The following SYNE2 variants were observed in gnomAD, a reference collection of about 807,000 sequenced individuals.
SYNE2 encodes nesprin-2.
In SYNE2, 431 loss-of-function variants were observed where a neutral mutation model predicts 856.3. The observed-to-expected ratio is 0.50, with a 90% CI of 0.47 to 0.55. SYNE2 has a LOEUF of 0.55. SYNE2 is among the 20% of genes least tolerant of loss of function. SYNE2 has a pLI of 0.00. For missense variants in SYNE2, 8,129 were observed against 8,023.2 expected (o/e 1.01, Z -0.50); for synonymous variants, 2,923 against 2,872.3 (o/e 1.02, Z -0.56).
Position 63,966,979 on chromosome 14 carries a change from C to T in SYNE2, c.991-730C>T, listed in dbSNP as rs150200829. ...CTCCCTGGTTCAAGCGATTCTCCTG[C>T]CTCAGCCTCCCGAGTAGCTGGGACC... On this transcript the variant is annotated intron_variant, in intron 10 of 115. Coordinates refer to ENST00000555002, the MANE Select transcript of SYNE2 (RefSeq NM_182914.3). 9.1e-3 allele frequency among the ~76,000 whole-genome samples: 1,389 copies of T among 152,212 alleles called. 10 individuals are homozygous for T. The highest frequency in any genetic ancestry group is 0.015 in the Non-Finnish European group (1,022 of 68,010).
chr14:64,128,585 A>G (rs754502374), intron 74 of SYNE2, 32 bp downstream of exon 74: 4 of 1,340,714 alleles, frequency 3.0e-6, no homozygotes, highest in Non-Finnish European at 4.3e-6. Context: ...AGACTGACTT[A>G]ACTTTGAACC....
chr14:63,919,118 A>G (rs2095566407), intron 2 of SYNE2, among the ~76,000 whole-genome samples: 1 of 152,190 alleles, frequency 6.6e-6, no homozygotes. Flanking sequence ...CATGCAGCAA[A>G]TGTTTCCTGT....
At chr14:64,166,806 ACTT>A in intron 90 of SYNE2, 2 of 235,596 alleles carry the variant, frequency 8.5e-6, no homozygotes, top group Admixed American at 1.0e-4. Context: ...GGTGGCAGGC[ACTT>A]GTAATTCCAC....
intron 22 of SYNE2, 46 bp from the exon 23 acceptor site, chr14:63,994,998 A>G (rs2096701722): frequency 8.0e-7 from 1 of 1,255,078 alleles, no homozygotes; most frequent in Non-Finnish European, 1.1e-6. Context: ...ACTTTTTTGT[A>G]TATTTTGTTC....
At position 64,107,579 on chromosome 14, in the gene SYNE2, G is replaced by A; in HGVS notation, c.12581G>A (p.Cys4194Tyr). The stretch of plus-strand genomic sequence containing the variant: ...CTAAACACTGAGCAAGGCCCAGAAT[G>A]TTCCCTAAGGCCCAACCAAACAGAA... ...DSLNTEQGPE[C>Y]SLRPNQTEEG... The change falls in exon 65 of 116, where the codon TGT becomes TAT. Residue 4194 changes from cysteine (C) to tyrosine (Y), a missense_variant. This residue lies in a region of SYNE2 where 5,410 missense variants were observed against 5,284.8 expected (regional missense o/e 1.02). Coordinates refer to ENST00000555002, the MANE Select transcript of SYNE2 (RefSeq NM_182914.3). 6.2e-7 allele frequency: 1 copy of A among 1,614,146 alleles called. No individual in the cohort carries two copies. The highest frequency in any genetic ancestry group is 8.5e-7 in the Non-Finnish European group (1 of 1,180,002).
rs191864332 is a variant in SYNE2, at chr14:63,808,754, G to A, written c.-304-43747G>A. On this transcript the variant is annotated intron_variant, in intron 1 of 23. Coordinates refer to the SYNE2 transcript ENST00000674003. ...AAGTGAAGAGGTGGCTGGGCGTGGTGGCTCACGCCTGTAATGCCAGCATTT... is the reference window on the plus strand; with the variant it reads ...AAGTGAAGAGGTGGCTGGGCGTGGTAGCTCACGCCTGTAATGCCAGCATTT... The A allele has an allele frequency of 1.9e-3, 294 of 152,504 alleles. 2 individuals are homozygous for A. The highest frequency in any genetic ancestry group is 3.4e-3 in the Non-Finnish European group (235 of 68,214). The allele number at this position is 152,504 out of a possible 1,614,324, so 9.4% of individuals were successfully genotyped here.
intron 1 of SYNE2, among the ~76,000 whole-genome samples, chr14:63,832,396 C>T (rs909714154): frequency 6.6e-6 from 1 of 151,928 alleles, no homozygotes. Context: ...CCACCTCGGC[C>T]TCCCAAAGTG....
intron 64 of SYNE2, 50 bp from the exon 65 acceptor site, chr14:64,107,441 G>C: frequency 6.7e-7 from 1 of 1,489,726 alleles, no homozygotes; most frequent in Non-Finnish European, 9.4e-7. Context: ...AAGAATTCAT[G>C]TGGCACCAGG....
At chr14:64,060,161 C>T (rs1344258484) in intron 49 of SYNE2, among the ~76,000 whole-genome samples, 2 of 151,924 alleles carry the variant, frequency 1.3e-5, no homozygotes, top group Admixed American at 1.3e-4. Context: ...TTAGCTGGTA[C>T]CTAAGCTCAA....
chr14:64,056,046 A>G lies in SYNE2; in HGVS notation c.9847A>G (p.Arg3283Gly), dbSNP rs2097266276. The change falls in exon 49 of 116, where the codon AGA (arginine) becomes GGA (glycine). Residue 3283 changes from arginine (R) to glycine (G), a missense_variant. Physicochemically the swap from Arg to Gly is moderately radical, Grantham distance 125. Around this residue, in one of 3 missense-constraint regions of SYNE2, gnomAD observed 5,410 missense variants for 5,284.8 expected, o/e 1.02. Coordinates refer to ENST00000555002, the MANE Select transcript of SYNE2 (RefSeq NM_182914.3). ...TSLEAIIIPY[R>G]VDVGNPEESL... ...CCTCGAAGCCATCATTATACCCTAC[A>G]GAGTAGATGTTGGTAATCCAGAAGA... 1 of 1,614,162 alleles carries G rather than the reference A, an allele frequency of 6.2e-7. No homozygotes were observed. Among genetic ancestry groups the G allele is most frequent in the Non-Finnish European group, 8.5e-7 (1 of 1,179,986 alleles).
chr14:64,203,891 A>AT (rs909888081), intron 100 of SYNE2, among the ~76,000 whole-genome samples: 1 of 152,076 alleles, frequency 6.6e-6, no homozygotes, highest in Non-Finnish European at 1.5e-5. Context: ...TACTGTTGAC[A>AT]TTTTTTTAAG....
At chr14:64,009,202 C>T (rs61984112) in intron 31 of SYNE2, among the ~76,000 whole-genome samples, 2,171 of 152,066 alleles carry the variant, frequency 0.014, 30 homozygotes, top group Non-Finnish European at 0.022. Context: ...ACTACCTTAA[C>T]GTTTTAAAAA....
chr14:64,016,978 A>G (rs892784182), intron 33 of SYNE2, among the ~76,000 whole-genome samples: 1 of 152,130 alleles, frequency 6.6e-6, no homozygotes, highest in African/African-American at 2.4e-5. Context: ...CATCTGCATT[A>G]TATTTTCATC....
At chr14:63,851,975 CGGGGGGGGG>C (rs113075796), upstream of SYNE2, among the ~76,000 whole-genome samples, 5,741 of 23,592 alleles carry the variant, frequency 0.24, 980 homozygotes, top group Middle Eastern at 0.5. Context: ...AGCTACTAAG[CGGGGGGGGG>C]GGGGGGGGGA....
chr14:63,950,047 C>T, intron 7 of SYNE2, 41 bp downstream of exon 7: 12 of 1,604,652 alleles, frequency 7.5e-6, no homozygotes, highest in Non-Finnish European at 1.0e-5. Flanking sequence ...CACAGGGCAG[C>T]TGTATCAACC....
At chr14:64,022,071 A>T in intron 37 of SYNE2, 43 bp downstream of exon 37, 1 of 1,579,662 alleles carries the variant, frequency 6.3e-7, no homozygotes, top group Non-Finnish European at 8.7e-7. Flanking sequence ...GGACTCTTGA[A>T]GTATGAATGT....
At chr14:64,015,037 GTATATA>G (rs1567056349) in intron 32 of SYNE2, among the ~76,000 whole-genome samples, 3 of 109,078 alleles carry the variant, frequency 2.8e-5, no homozygotes, top group African/African-American at 1.1e-4. Context: ...AAATATATAT[GTATATA>G]TGTATATATA....
intron 96 of SYNE2, among the ~76,000 whole-genome samples, chr14:64,183,749 AC>A (rs2153742886): frequency 6.6e-6 from 1 of 152,204 alleles, no homozygotes; most frequent in South Asian, 2.1e-4. Flanking sequence ...CTCCGTCTCC[AC>A]CAAAAAAATA....
Position 64,113,471 on chromosome 14 carries a change from A to T in SYNE2, c.12740A>T (p.Glu4247Val). Residue 4247 changes from glutamate to valine, a missense_variant, in exon 66 of 116, where the codon GAG becomes GTG. By Grantham distance (121) the Glu-to-Val change is moderately radical (BLOSUM62 -2). Coordinates refer to ENST00000555002, the MANE Select transcript of SYNE2 (RefSeq NM_182914.3). ...CATGCCTGCAAGACCCAGGTGGCCG[A>T]GCTGGAGCTGTGGCTGCAACAAGCC... is the stretch of plus-strand genomic sequence containing the variant. ...VLHACKTQVAELELWLQQANV... is the reference protein window; with the variant it reads ...VLHACKTQVAVLELWLQQANV... The T allele has an allele frequency of 6.2e-7, 1 of 1,614,174 alleles. No individual in the cohort carries two copies.
Sources: gnomAD v4.1 joint callset for allele counts (sites outside exome capture counted in the v4.1 genomes callset) on GRCh38, gnomAD v4.1.1 for gene constraint, gnomAD v4.1.1 regional missense constraint, MANE v1.5 for transcripts, NCBI Gene and HGNC (gene_info 2026-07-23, HGNC 2026-07-21) for gene names.